The following MS4A12 variants were observed in gnomAD, a reference collection of about 807,000 sequenced individuals.
MS4A12 encodes the protein membrane spanning 4-domains A12.
A neutral mutation model predicts 23.7 loss-of-function variants in MS4A12; 28 were observed. The observed-to-expected ratio is 1.18, with a 90% CI of 0.88 to 1.62. The LOEUF is 1.62. MS4A12 is among the 40% of genes most tolerant of loss of function. MS4A12 has a pLI of 0.00. For missense variants in MS4A12, 342 were observed against 327.0 expected, an observed-to-expected ratio of 1.05 and a Z score of -0.35; for synonymous variants, 108 against 110.1, an observed-to-expected ratio of 0.98 and a Z score of 0.12.
intron 1 of MS4A12, among the ~76,000 whole-genome samples, chr11:60,494,554 T>C (rs2086473687): frequency 6.6e-6 from 1 of 152,270 alleles, no homozygotes. Context: ...CAATTCCTTT[T>C]ATAAACTTTT....
intron 1 of MS4A12, among the ~76,000 whole-genome samples, chr11:60,493,450 T>A (rs552163331): frequency 6.6e-6 from 1 of 150,964 alleles, no homozygotes; most frequent in Admixed American, 6.6e-5. Context: ...TCCATGAACA[T>A]GGGCCCAAAA....
chr11:60,500,949 A>C (rs1424942587), intron 2 of MS4A12, 96 bp from the exon 3 acceptor site: 20 of 1,411,228 alleles, frequency 1.4e-5, no homozygotes, highest in Non-Finnish European at 8.6e-6. Flanking sequence ...GATCTCAGCA[A>C]AATTGACAAT....
chr11:60,503,511 C>G (rs1459286572), intron 4 of MS4A12, among the ~76,000 whole-genome samples, 190 bp from the exon 5 acceptor site: 1 of 151,950 alleles, frequency 6.6e-6, no homozygotes, highest in African/African-American at 2.4e-5. Context: ...TTAGAAGTAC[C>G]CTACATCTAG....
chr11:60,503,848 C>A (rs745636724), intron 5 of MS4A12, 31 bp downstream of exon 5: 16 of 1,573,780 alleles, frequency 1.0e-5, no homozygotes, highest in Non-Finnish European at 1.4e-5. Context: ...CATGTGCCTG[C>A]TCTATTTTCA....
chr11:60,506,602 C>T, intron 5 of MS4A12, 126 bp from the exon 6 acceptor site: 1 of 656,004 alleles, frequency 1.5e-6, no homozygotes, highest in South Asian at 2.0e-5. Flanking sequence ...TTTGATGATA[C>T]TGGAAGAATA....
At chr11:60,495,118 A>G (rs4394855) in intron 1 of MS4A12, among the ~76,000 whole-genome samples, 72,632 of 134,630 alleles carry the variant, frequency 0.54, 17,860 homozygotes, top group East Asian at 0.68. Context: ...TCAGCCTCCC[A>G]TGTAGCTGGG....
rs1354357978 is a variant in MS4A12, at chr11:60,501,025, T to A, written c.277-20T>A. 6.3e-7 allele frequency: 1 copy of A among 1,584,980 alleles called. No individual in the cohort carries two copies. Among genetic ancestry groups the A allele is most frequent in the Non-Finnish European group, 8.5e-7 (1 of 1,170,374 alleles). The stretch of plus-strand genomic sequence containing the variant: ...CTGAAAGTGAAGAAGTAATTTTAAA[T>A]GGCTGTTTTCTTTTTTCAGGTGATC... On this transcript the variant is annotated intron_variant, in intron 2 of 6. Coordinates refer to ENST00000016913, the MANE Select transcript of MS4A12 (RefSeq NM_017716.3).
chr11:60,494,120 A>C (rs559527461), intron 1 of MS4A12, among the ~76,000 whole-genome samples: 2 of 152,322 alleles, frequency 1.3e-5, no homozygotes, highest in South Asian at 4.1e-4. Flanking sequence ...AATTGTCTTC[A>C]TTTCAATTGA....
At chr11:60,498,851 A>G (rs889502208) in intron 2 of MS4A12, among the ~76,000 whole-genome samples, 2 of 152,186 alleles carry the variant, frequency 1.3e-5, no homozygotes, top group Non-Finnish European at 2.9e-5. Flanking sequence ...AACCAGTGTA[A>G]AAGTCTTTAG....
At chr11:60,499,515 C>T (rs2086514339) in intron 2 of MS4A12, among the ~76,000 whole-genome samples, 1 of 152,154 alleles carries the variant, frequency 6.6e-6, no homozygotes, top group Non-Finnish European at 1.5e-5. Flanking sequence ...GTGAGATAGG[C>T]TAAACGTGGC....
intron 1 of MS4A12, among the ~76,000 whole-genome samples, chr11:60,494,004 G>A (rs1197094744): frequency 6.6e-6 from 1 of 152,014 alleles, no homozygotes; most frequent in Non-Finnish European, 1.5e-5. Flanking sequence ...GACAACTAGG[G>A]GTAAATATTT....
At chr11:60,504,507 A>ATCTTCT (rs2086555927) in intron 5 of MS4A12, among the ~76,000 whole-genome samples, 1 of 152,102 alleles carries the variant, frequency 6.6e-6, no homozygotes, top group Non-Finnish European at 1.5e-5. Flanking sequence ...ACCACAGAAG[A>ATCTTCT]GTGGTTTTAT....
At position 60,506,852 on chromosome 11, in the gene MS4A12, C is replaced by G; in HGVS notation, c.699+14C>G. The G allele has an allele frequency of 6.2e-7, 1 of 1,603,064 alleles. No individual in the cohort carries two copies. Among genetic ancestry groups the G allele is most frequent in the Non-Finnish European group, 8.5e-7 (1 of 1,170,080 alleles). Reference sequence around the variant, plus strand: ...ACAACCAATATGGTGAGTTGGGTCTCTTCTTTGTAAAATAATCTGAAAATG... The same window carrying G: ...ACAACCAATATGGTGAGTTGGGTCTGTTCTTTGTAAAATAATCTGAAAATG... On this transcript the variant is annotated intron_variant, in intron 6 of 6. Transcript: ENST00000016913.
chr11:60,506,896 T>G, intron 6 of MS4A12, 58 bp downstream of exon 6: 1 of 1,550,812 alleles, frequency 6.4e-7, no homozygotes, highest in Non-Finnish European at 8.9e-7. Context: ...AAATACAGAC[T>G]TGTGTCTGCT....
chr11:60,496,323 A>G (rs2086487229), intron 1 of MS4A12, among the ~76,000 whole-genome samples: 1 of 152,224 alleles, frequency 6.6e-6, no homozygotes, highest in African/African-American at 2.4e-5. Context: ...AGACCTCAAA[A>G]AAAGGAATCT....
At chr11:60,503,906 C>T (rs983485776) in intron 5 of MS4A12, 89 bp downstream of exon 5, 7 of 1,117,570 alleles carry the variant, frequency 6.3e-6, no homozygotes, top group Non-Finnish European at 9.1e-6. Context: ...CGTATACCAG[C>T]TCTAGTGGAA....
intron 2 of MS4A12, among the ~76,000 whole-genome samples, chr11:60,499,319 T>C (rs1038677065): frequency 9.2e-5 from 14 of 152,124 alleles, no homozygotes; most frequent in Admixed American, 5.2e-4. Context: ...GCAATTTTGA[T>C]CAGTAGATGG....
intron 4 of MS4A12, 57 bp downstream of exon 4, chr11:60,502,096 G>A: frequency 1.3e-6 from 2 of 1,498,466 alleles, no homozygotes; most frequent in Non-Finnish European, 1.8e-6. Context: ...TAACATATTG[G>A]GGAGGAAAAT....
chr11:60,497,709 C>A, intron 2 of MS4A12, 115 bp downstream of exon 2: 1 of 1,158,166 alleles, frequency 8.6e-7, no homozygotes, highest in Non-Finnish European at 1.2e-6. Flanking sequence ...GAAATTATCT[C>A]TTTTAGACAG....
Sources: allele counts gnomAD v4.1 joint callset (sites outside exome capture counted in the v4.1 genomes callset), GRCh38; gene constraint gnomAD v4.1.1; transcripts MANE v1.5; gene names NCBI Gene and HGNC (gene_info 2026-07-23, HGNC 2026-07-21).